The following GSK3B variants were observed in gnomAD, a reference collection of about 807,000 sequenced individuals.
The protein encoded by GSK3B is glycogen synthase kinase 3 beta, also known as glycogen synthase kinase-3 beta.
In GSK3B, 15 loss-of-function variants were observed where a neutral mutation model predicts 56.4. The ratio of observed to expected loss-of-function variants is 0.27; its 90% CI spans 0.18 to 0.41. GSK3B has a LOEUF of 0.41. GSK3B is among the 10% of genes least tolerant of loss of function. The pLI is 1.00. For synonymous variants in GSK3B, 181 were observed against 188.9 expected (o/e 0.96, Z 0.34); for missense variants, 300 against 513.4 (o/e 0.58, Z 4.02).
At chr3:119,941,464 C>G (rs575026471) in intron 3 of GSK3B, among the ~76,000 whole-genome samples, 2 of 152,200 alleles carry the variant, frequency 1.3e-5, no homozygotes, top group Non-Finnish European at 2.9e-5. Context: ...TGGAGTCAGA[C>G]TACTTGGAGC....
chr3:119,926,723 C>T (rs2056892559), intron 3 of GSK3B, among the ~76,000 whole-genome samples: 1 of 152,186 alleles, frequency 6.6e-6, no homozygotes, highest in Non-Finnish European at 1.5e-5. Flanking sequence ...TTCTTGAACA[C>T]ATATGGTACA....
At chr3:119,846,666 CAAG>C (rs2055861225) in intron 9 of GSK3B, among the ~76,000 whole-genome samples, 1 of 152,084 alleles carries the variant, frequency 6.6e-6, no homozygotes, top group Non-Finnish European at 1.5e-5. Context: ...TGTGGAGAAA[CAAG>C]AATGCTTTTA....
intron 2 of GSK3B, among the ~76,000 whole-genome samples, chr3:119,994,575 TATC>T (rs1166127906): frequency 1.3e-5 from 2 of 152,098 alleles, no homozygotes; most frequent in Non-Finnish European, 2.9e-5. Context: ...TAGAAGTGAA[TATC>T]ATCATTAACT....
At chr3:119,946,364 A>T (rs1169592382) in intron 3 of GSK3B, among the ~76,000 whole-genome samples, 1 of 152,212 alleles carries the variant, frequency 6.6e-6, no homozygotes, top group Non-Finnish European at 1.5e-5. Flanking sequence ...AAAATGGCTA[A>T]AAACTGTTAT....
chr3:119,913,662 A>C (rs369411962), intron 5 of GSK3B, among the ~76,000 whole-genome samples: 7 of 149,670 alleles, frequency 4.7e-5, no homozygotes, highest in African/African-American at 1.5e-4. Context: ...GTAAGTGCCA[A>C]AAAAAAAAAG....
chr3:120,013,704 T>A (rs535086151), intron 1 of GSK3B, among the ~76,000 whole-genome samples: 1 of 152,232 alleles, frequency 6.6e-6, no homozygotes, highest in African/African-American at 2.4e-5. Context: ...GGAAAGGCAC[T>A]GCCAATTATT....
chr3:119,973,095 G>A (rs2057382645), intron 2 of GSK3B, among the ~76,000 whole-genome samples: 1 of 152,070 alleles, frequency 6.6e-6, no homozygotes, highest in Non-Finnish European at 1.5e-5. Flanking sequence ...CCAGTCATTG[G>A]ATTAAGCATT....
At chr3:119,932,867 T>C (rs918699374) in intron 3 of GSK3B, among the ~76,000 whole-genome samples, 1 of 152,142 alleles carries the variant, frequency 6.6e-6, no homozygotes, top group African/African-American at 2.4e-5. Flanking sequence ...CCCAGCACTT[T>C]GGGAGGCTGA....
intron 10 of GSK3B, among the ~76,000 whole-genome samples, chr3:119,828,144 T>A (rs1293989783): frequency 1.3e-5 from 2 of 152,164 alleles, no homozygotes; most frequent in Non-Finnish European, 2.9e-5. Context: ...CATCTTGTAG[T>A]CAAATCTTGA....
At chr3:120,092,990 G>T (rs768813063) in intron 1 of GSK3B, among the ~76,000 whole-genome samples, 1 of 151,900 alleles carries the variant, frequency 6.6e-6, no homozygotes, top group Admixed American at 6.6e-5. Flanking sequence ...ATCAAATCTT[G>T]TCCTTCTCTT....
At chr3:119,957,095 C>A (rs2057221895) in intron 2 of GSK3B, among the ~76,000 whole-genome samples, 1 of 152,194 alleles carries the variant, frequency 6.6e-6, no homozygotes. Flanking sequence ...TCCTTACCGT[C>A]AATCTCAATT....
chr3:119,837,413 C>T (rs1400183193), intron 10 of GSK3B, among the ~76,000 whole-genome samples: 1 of 151,962 alleles, frequency 6.6e-6, no homozygotes, highest in Non-Finnish European at 1.5e-5. Flanking sequence ...GATCCACCCG[C>T]CTCGGCCTCC....
intron 10 of GSK3B, among the ~76,000 whole-genome samples, chr3:119,830,825 A>G (rs2107997683): frequency 6.6e-6 from 1 of 152,354 alleles, no homozygotes. Flanking sequence ...CTCATTGGTA[A>G]AATGGTAGTA....
chr3:119,928,754 T>C (rs954747565), intron 3 of GSK3B, among the ~76,000 whole-genome samples: 2 of 150,982 alleles, frequency 1.3e-5, no homozygotes, highest in Non-Finnish European at 2.9e-5. Flanking sequence ...CACATAAAAC[T>C]ATATAGAAGT....
At chr3:119,912,587 A>C in intron 6 of GSK3B, 117 bp downstream of exon 6, 1 of 467,470 alleles carries the variant, frequency 2.1e-6, no homozygotes. Flanking sequence ...AAGAAAAAAA[A>C]CATTATGGGA....
chr3:120,043,089 G>A (rs895979288), intron 1 of GSK3B, among the ~76,000 whole-genome samples: 3 of 151,906 alleles, frequency 2.0e-5, no homozygotes, highest in Non-Finnish European at 4.4e-5. Context: ...GCTAACCCTG[G>A]AGCTCTCAGT....
chr3:120,043,648 C>T (rs1388930278), intron 1 of GSK3B, among the ~76,000 whole-genome samples: 5 of 152,130 alleles, frequency 3.3e-5, no homozygotes, highest in African/African-American at 1.2e-4. Context: ...ATGGCTGTAC[C>T]AACCTAAAAT....
chr3:119,970,749 T>C (rs1354511950), intron 2 of GSK3B, among the ~76,000 whole-genome samples: 1 of 151,720 alleles, frequency 6.6e-6, no homozygotes, highest in Non-Finnish European at 1.5e-5. Context: ...ATCGCGCCAC[T>C]GCACTCCAGC....
At chr3:119,960,708 C>G (rs977390297) in intron 2 of GSK3B, among the ~76,000 whole-genome samples, 4 of 152,158 alleles carry the variant, frequency 2.6e-5, no homozygotes, top group South Asian at 4.1e-4. Flanking sequence ...AAATTGCAAC[C>G]TCAACATTTA....
Sources: gnomAD v4.1 joint callset for allele counts (sites outside exome capture counted in the v4.1 genomes callset) on GRCh38, gnomAD v4.1.1 for gene constraint, MANE v1.5 for transcripts, NCBI Gene and HGNC (gene_info 2026-07-23, HGNC 2026-07-21) for gene names.